TDRD9: variants seen among roughly 807,000 people sequenced by gnomAD.
TDRD9 encodes ATP-dependent RNA helicase TDRD9.
TDRD9 carries 124 observed loss-of-function variants against 172.6 expected under a neutral mutation model. The observed-to-expected ratio is 0.72, with a 90% CI of 0.62 to 0.83. The LOEUF is 0.83. Ranked by LOEUF, TDRD9 falls within the 40% of genes least tolerant of loss-of-function variation. TDRD9 has a pLI of 0.00. For synonymous variants in TDRD9, 619 were observed against 617.1 expected, an observed-to-expected ratio of 1.00 and a Z score of -0.05; for missense variants, 1,479 against 1,714.1, an observed-to-expected ratio of 0.86 and a Z score of 2.42.
intron 7 of TDRD9, among the ~76,000 whole-genome samples, chr14:103,983,056 CTTTTT>C (rs397853010): frequency 2.3e-5 from 2 of 87,642 alleles, no homozygotes; most frequent in African/African-American, 9.3e-5. Flanking sequence ...CTGTGGGTCA[CTTTTT>C]TTTTTTTTTT....
chr14:103,988,832 TAG>T (rs1431829841), intron 8 of TDRD9, among the ~76,000 whole-genome samples: 10 of 152,176 alleles, frequency 6.6e-5, no homozygotes, highest in African/African-American at 2.4e-4. Flanking sequence ...AGCTGGGACT[TAG>T]AGGTGCGTGC....
chr14:104,004,142 G>T, intron 13 of TDRD9, 96 bp from the exon 14 acceptor site: 1 of 560,442 alleles, frequency 1.8e-6, no homozygotes, highest in South Asian at 3.2e-5. Context: ...TTAAGGCTTT[G>T]CTTAATTAAT....
At chr14:104,051,861 G>C (rs2035943945) in intron 35 of TDRD9, 120 bp from the exon 36 acceptor site, 1 of 601,624 alleles carries the variant, frequency 1.7e-6, no homozygotes, top group African/African-American at 1.8e-5. Flanking sequence ...GAAGTGTTCT[G>C]TAAATATTTT....
chr14:103,968,792 T>C (rs2032876507), intron 5 of TDRD9, among the ~76,000 whole-genome samples: 1 of 702 alleles, frequency 1.4e-3, no homozygotes, highest in Non-Finnish European at 0.036. Flanking sequence ...TGAGACTCTG[T>C]CTCAAAAAAA....
At chr14:103,961,983 TAA>T (rs1438888720) in intron 2 of TDRD9, among the ~76,000 whole-genome samples, 1 of 152,136 alleles carries the variant, frequency 6.6e-6, no homozygotes, top group Non-Finnish European at 1.5e-5. Context: ...TAAATTTGGC[TAA>T]GAGTTTATTT....
chr14:103,957,237 C>T (rs189784691), intron 2 of TDRD9, among the ~76,000 whole-genome samples: 2 of 152,308 alleles, frequency 1.3e-5, no homozygotes, highest in East Asian at 3.9e-4. Context: ...TCTGCTAGAT[C>T]TATCACCTTA....
intron 8 of TDRD9, among the ~76,000 whole-genome samples, chr14:103,989,109 A>G (rs1385056985): frequency 6.6e-6 from 1 of 152,090 alleles, no homozygotes; most frequent in Non-Finnish European, 1.5e-5. Context: ...TTCATTATTG[A>G]GAGTTTTACT....
chr14:104,019,922 G>T (rs944240979), intron 23 of TDRD9, among the ~76,000 whole-genome samples: 1 of 152,198 alleles, frequency 6.6e-6, no homozygotes, highest in African/African-American at 2.4e-5. Context: ...TCGGGTAGAC[G>T]TCGGAGGGTT....
intron 20 of TDRD9, chr14:104,013,844 T>G (rs765353463): frequency 6.6e-6 from 1 of 152,216 alleles, no homozygotes; most frequent in African/African-American, 2.4e-5. Context: ...TTGGAGCAGG[T>G]CAAAACTCCT....
At chr14:103,991,094 GA>G in intron 8 of TDRD9, 65 bp from the exon 9 acceptor site, 4 of 1,584,692 alleles carry the variant, frequency 2.5e-6, no homozygotes, top group Non-Finnish European at 3.5e-6. Flanking sequence ...GTAATATTAG[GA>G]TTTTAGAGAA....
chr14:103,943,347 A>G (rs2031358370), intron 1 of TDRD9, among the ~76,000 whole-genome samples: 1 of 151,660 alleles, frequency 6.6e-6, no homozygotes, highest in South Asian at 2.1e-4. Flanking sequence ...GCACATATGT[A>G]CATACATATA....
At position 104,005,294 on chromosome 14, in the gene TDRD9, G is replaced by T. The variant is rs746659034; in HGVS notation, c.1602G>T (p.Thr534=). The change falls in exon 15 of 36, where the codon ACG becomes ACT. Residue 534 remains threonine (T), a synonymous_variant. Transcript: ENST00000409874. ...PEMLRCPLGS[T]ILKVKLLDMG... The stretch of plus-strand genomic sequence containing the variant: ...TTCAGCGTTGTCCATTAGGAAGCAC[G>T]ATCTTGAAAGTGAAATTACTTGACA... The T allele has an allele frequency of 2.5e-6, 4 of 1,613,738 alleles. No homozygotes were observed. Among genetic ancestry groups the T allele is most frequent in the East Asian group, 2.2e-5 (1 of 44,890 alleles).
chr14:103,968,285 G>A (rs938593093), intron 5 of TDRD9, among the ~76,000 whole-genome samples: 3 of 152,168 alleles, frequency 2.0e-5, no homozygotes, highest in Non-Finnish European at 4.4e-5. Flanking sequence ...TGTCTGGTGC[G>A]GTGTCAGCAC....
intron 1 of TDRD9, among the ~76,000 whole-genome samples, chr14:103,947,716 A>G (rs1453733235): frequency 1.3e-5 from 2 of 152,218 alleles, no homozygotes; most frequent in African/African-American, 4.8e-5. Flanking sequence ...ACCATATACA[A>G]AAATTAAGTT....
chr14:103,990,939 G>A (rs2033839718), intron 8 of TDRD9, among the ~76,000 whole-genome samples: 1 of 152,204 alleles, frequency 6.6e-6, no homozygotes, highest in Admixed American at 6.5e-5. Flanking sequence ...ATAGGAGAAA[G>A]TATTGGGAGT....
At chr14:103,967,345 TACAAAAAAAAAAAAAA>T (rs1350949434) in intron 5 of TDRD9, among the ~76,000 whole-genome samples, 1 of 988 alleles carries the variant, frequency 1.0e-3, no homozygotes, top group African/African-American at 2.4e-3. Flanking sequence ...CTACTAAAAA[TACAAAAAAAAAAAAAA>T]AAAAAAAAAA....
At position 104,015,344 on chromosome 14, in the gene TDRD9, C is replaced by G. The variant is rs553353176; in HGVS notation, c.2223+503C>G. Among the ~76,000 whole-genome samples the G allele has an allele frequency of 2.6e-5, 4 of 152,220 alleles. No homozygotes were observed. In the East Asian group the frequency reaches 5.8e-4, roughly 22 times the overall value. ...GAGACTGCCTCTGCTGTAGGGTTTC[C>G]TAGAAGGGTTGGCTGATGCATACGG... On this transcript the variant is annotated intron_variant, in intron 21 of 35. Coordinates refer to ENST00000409874, the MANE Select transcript of TDRD9 (RefSeq NM_153046.3).
Position 103,966,735 on chromosome 14 carries a change from G to GGAC in TDRD9, c.670_672dup (p.Asp224dup), listed in dbSNP as rs773998262. The GGAC allele has an allele frequency of 1.3e-6, 2 of 1,548,596 alleles. No individual in the cohort carries two copies. Among genetic ancestry groups the GGAC allele is most frequent in the South Asian group, 2.4e-5 (2 of 83,618 alleles). The stretch of plus-strand genomic sequence containing the variant: ...TAGGGCTAGAGAAAATAGCAACAGA[G>GGAC]GACACCAGGCTAATTTATATGACAA... On this transcript the variant is annotated inframe_insertion, in exon 5 of 36. Transcript: ENST00000409874.
At chr14:104,008,868 C>T (rs909402304) in intron 20 of TDRD9, among the ~76,000 whole-genome samples, 12 of 152,092 alleles carry the variant, frequency 7.9e-5, no homozygotes, top group African/African-American at 1.4e-4. Flanking sequence ...GAGCCGTGAT[C>T]GCACCAATAT....
Sources: gnomAD v4.1 joint callset for allele counts (sites outside exome capture counted in the v4.1 genomes callset) on GRCh38, gnomAD v4.1.1 for gene constraint, MANE v1.5 for transcripts, NCBI Gene and HGNC (gene_info 2026-07-23, HGNC 2026-07-21) for gene names.